MED13L: variants seen among roughly 807,000 people sequenced by gnomAD.
MED13L encodes mediator complex subunit 13L, also known as mediator of RNA polymerase II transcription subunit 13-like.
MED13L carries 7 observed loss-of-function variants against 220.9 expected under a neutral mutation model. The ratio of observed to expected loss-of-function variants is 0.03; its 90% CI spans 0.02 to 0.06. The LOEUF (loss-of-function observed/expected upper bound fraction) is 0.06. Among genes scored for constraint, MED13L ranks in the 10% least tolerant of loss-of-function variants. MED13L has a pLI of 1.00. For synonymous variants in MED13L, 1,011 were observed against 1,015.2 expected (o/e 1.00, Z 0.08); for missense variants, 1,965 against 2,760.5 (o/e 0.71, Z 6.46).
intron 7 of MED13L, among the ~76,000 whole-genome samples, chr12:116,016,457 T>C (rs543945261): frequency 7.2e-5 from 11 of 152,328 alleles, no homozygotes; most frequent in African/African-American, 2.6e-4. Flanking sequence ...TTAATTTCAA[T>C]TTTACAATTG....
intron 1 of MED13L, among the ~76,000 whole-genome samples, chr12:116,262,981 G>A (rs1872610056): frequency 6.6e-6 from 1 of 152,164 alleles, no homozygotes; most frequent in African/African-American, 2.4e-5. Context: ...TCAAGTTAAA[G>A]CGACATACTT....
chr12:116,226,970 T>TA (rs200794265), intron 2 of MED13L, among the ~76,000 whole-genome samples: 2 of 151,930 alleles, frequency 1.3e-5, no homozygotes, highest in Non-Finnish European at 2.9e-5. Context: ...TTTTTTTTTT[T>TA]AACCTTAGGC....
At chr12:115,998,134 A>C (rs1381215015) in intron 14 of MED13L, among the ~76,000 whole-genome samples, 1 of 152,252 alleles carries the variant, frequency 6.6e-6, no homozygotes, top group Non-Finnish European at 1.5e-5. Context: ...CTTTAAAAAA[A>C]AAGTTTCCTT....
At chr12:116,020,679 G>A (rs1448790410) in intron 5 of MED13L, among the ~76,000 whole-genome samples, 1 of 152,106 alleles carries the variant, frequency 6.6e-6, no homozygotes, top group Non-Finnish European at 1.5e-5. Flanking sequence ...TCTTCTTTCA[G>A]TATTTGACCT....
intron 3 of MED13L, chr12:116,110,225 G>A (rs1873960106): frequency 6.6e-6 from 1 of 152,108 alleles, no homozygotes; most frequent in Admixed American, 6.5e-5. Flanking sequence ...GGACATAGGA[G>A]CGAGCCATCA....
Position 116,153,925 on chromosome 12 carries a change from G to A in MED13L, c.311-42413C>T, listed in dbSNP as rs553547465. Among the ~76,000 whole-genome samples the A allele has an allele frequency of 4.5e-4, 69 of 152,158 alleles. No individual in the cohort carries two copies. The South Asian group carries it at 0.011, about 23-fold the overall frequency. On this transcript the variant is annotated intron_variant, in intron 2 of 30. Transcript: ENST00000281928. ...TAACTCCTTCATTAAAAACAGAAAT[G>A]GCCTTAATGCGTATACACAAATCAA...
intron 2 of MED13L, among the ~76,000 whole-genome samples, chr12:116,175,072 A>G (rs1030136160): frequency 1.3e-5 from 2 of 152,206 alleles, no homozygotes; most frequent in African/African-American, 4.8e-5. Context: ...CAAAAAAAGA[A>G]AAGAAAATAC....
intron 2 of MED13L, among the ~76,000 whole-genome samples, chr12:116,228,149 A>C (rs893918251): frequency 2.6e-5 from 4 of 152,130 alleles, no homozygotes; most frequent in Non-Finnish European, 5.9e-5. Context: ...TGAGGAAGCA[A>C]ACCTGGGAGC....
At chr12:116,019,636 C>G in intron 6 of MED13L, 142 bp downstream of exon 6, 1 of 1,130,876 alleles carries the variant, frequency 8.8e-7, no homozygotes, top group South Asian at 1.3e-5. Context: ...AAGATAACTA[C>G]TCAGTACATA....
intron 4 of MED13L, among the ~76,000 whole-genome samples, chr12:116,039,003 G>T (rs565267140): frequency 6.6e-6 from 1 of 151,778 alleles, no homozygotes; most frequent in African/African-American, 2.4e-5. Context: ...ACCCATGTTC[G>T]TATTCTTCCC....
At chr12:116,274,095 A>G (rs1193039401) in intron 1 of MED13L, among the ~76,000 whole-genome samples, 1 of 152,230 alleles carries the variant, frequency 6.6e-6, no homozygotes, top group Non-Finnish European at 1.5e-5. Flanking sequence ...AGCAGTTAGA[A>G]TAAGAAACTT....
At chr12:116,241,137 T>C (rs1870599793) in intron 1 of MED13L, among the ~76,000 whole-genome samples, 1 of 151,076 alleles carries the variant, frequency 6.6e-6, no homozygotes, top group Admixed American at 6.6e-5. Context: ...TGAAATCCCA[T>C]CTCTACTAAA....
At chr12:116,089,083 T>C (rs984235853) in intron 4 of MED13L, among the ~76,000 whole-genome samples, 5 of 151,846 alleles carry the variant, frequency 3.3e-5, no homozygotes. Flanking sequence ...AGCTGAGAAA[T>C]GGAAATAAAA....
At chr12:115,993,169 G>A (rs575025091) in intron 16 of MED13L, among the ~76,000 whole-genome samples, 34 of 152,228 alleles carry the variant, frequency 2.2e-4, no homozygotes, top group African/African-American at 7.7e-4. Context: ...TAGGGTACTT[G>A]AGCATCTTCA....
At chr12:116,270,056 C>T (rs535496199) in intron 1 of MED13L, among the ~76,000 whole-genome samples, 1 of 150,930 alleles carries the variant, frequency 6.6e-6, no homozygotes, top group African/African-American at 2.4e-5. Context: ...CCAAAACATG[C>T]TAATATAAAT....
At chr12:116,103,372 C>T (rs1873255878) in intron 3 of MED13L, among the ~76,000 whole-genome samples, 1 of 152,184 alleles carries the variant, frequency 6.6e-6, no homozygotes, top group Non-Finnish European at 1.5e-5. Context: ...CCTGCCTTGG[C>T]CCCACAAATA....
chr12:116,100,571 G>A (rs1260716599), intron 3 of MED13L, among the ~76,000 whole-genome samples: 1 of 142,002 alleles, frequency 7.0e-6, no homozygotes, highest in Non-Finnish European at 1.5e-5. Flanking sequence ...TTGCATTCTG[G>A]CCTGGGTGAA....
At chr12:116,091,083 T>C (rs1232339524) in intron 4 of MED13L, among the ~76,000 whole-genome samples, 1 of 135,434 alleles carries the variant, frequency 7.4e-6, no homozygotes, top group Non-Finnish European at 1.5e-5. Context: ...ATCGCACCTG[T>C]GCACTCCAGC....
At chr12:116,086,470 C>T (rs1336805683) in intron 4 of MED13L, among the ~76,000 whole-genome samples, 3 of 151,910 alleles carry the variant, frequency 2.0e-5, no homozygotes, top group Non-Finnish European at 2.9e-5. Flanking sequence ...TTAGTAGAGA[C>T]GGAGTTTCTC....
Sources: allele counts gnomAD v4.1 joint callset (sites outside exome capture counted in the v4.1 genomes callset), GRCh38; gene constraint gnomAD v4.1.1; transcripts MANE v1.5; gene names NCBI Gene and HGNC (gene_info 2026-07-23, HGNC 2026-07-21).